WDR97: variants seen among roughly 807,000 people sequenced by gnomAD.
WDR97 encodes WD repeat-containing protein 97.
Under a neutral mutation model 65.4 loss-of-function variants are expected in WDR97, and 111 were observed. The observed-to-expected ratio is 1.70, with a 90% CI of 1.45 to 1.99. The LOEUF is 1.99. Ranked by LOEUF, WDR97 falls within the 30% of genes most tolerant of loss-of-function variation. The probability of loss-of-function intolerance (pLI) is 0.00; values close to 1 mark genes in which losing one functional copy is unlikely to be tolerated. For synonymous variants in WDR97, 802 were observed against 397.7 expected (o/e 2.02, Z -12.10); for missense variants, 1,674 against 865.0 (o/e 1.94, Z -11.73).
chr8:144,116,147 C>G lies in WDR97; in HGVS notation c.4723C>G (p.Leu1575Val). The change falls in exon 24 of 24, where the codon CTG becomes GTG. Residue 1575 changes from leucine to valine, a missense_variant. Transcript: ENST00000323662. ...CACCCTGGACGGCCCCATCCGGACG[C>G]TGAAGCTGCCGTTGCCGCGTGTGGA... ...GRTLDGPIRT[L>V]KLPLPRVEPQ... 1.4e-6 allele frequency: 1 copy of G among 700,326 alleles called. No individual in the cohort carries two copies. Among genetic ancestry groups the G allele is most frequent in the Non-Finnish European group, 2.6e-6 (1 of 383,706 alleles). The allele number at this position is 700,326 out of a possible 1,614,324, so 43.4% of individuals were successfully genotyped here.
At chr8:144,113,045 G>T in intron 15 of WDR97, 1 of 340,632 alleles carries the variant, frequency 2.9e-6, no homozygotes, top group South Asian at 4.3e-5. Flanking sequence ...TTTGGGCCTG[G>T]GTGCCACCAT....
chr8:144,112,662 G>A (rs1457645987), intron 15 of WDR97, 132 bp downstream of exon 15: 2 of 655,352 alleles, frequency 3.1e-6, no homozygotes, highest in Admixed American at 2.1e-5. Context: ...CAACCAGAGG[G>A]CCAGGCTGTA....
Position 144,109,340 on chromosome 8 carries a change from G to A in WDR97, c.1006G>A (p.Val336Met), listed in dbSNP as rs1836490106. 1.4e-6 allele frequency: 1 copy of A among 702,454 alleles called. No homozygotes were observed. Among genetic ancestry groups the A allele is most frequent in the Non-Finnish European group, 2.6e-6 (1 of 384,794 alleles). The allele number at this position is 702,454 out of a possible 1,614,324, so 43.5% of individuals were successfully genotyped here. The stretch of plus-strand genomic sequence containing the variant: ...GACCTGCACCCCTCCCACAGGCCCG[G>A]TGACGGCTATGACTGTGCTCCCGAA... ...RMVFVGHTGP[V>M]TAMTVLPNTT... Residue 336 changes from valine to methionine, a missense_variant, in exon 5 of 24, where the codon GTG becomes ATG. Transcript: ENST00000323662.
Position 144,109,405 on chromosome 8 carries a change from A to C in WDR97, c.1071A>C (p.Leu357=). The change falls in exon 5 of 24, where the codon CTA becomes CTC. Residue 357 remains leucine, a synonymous_variant. Transcript: ENST00000323662. ...TGTCGGCCTCGCAGGACGGGACGCT[A>C]CGCACCTGGGACCTGCAGGCGGCGG... The part of the protein sequence containing the change: ...LVLSASQDGT[L]RTWDLQAAAQ... 1.4e-6 allele frequency: 1 copy of C among 702,456 alleles called. No individual in the cohort carries two copies. Among genetic ancestry groups the C allele is most frequent in the South Asian group, 1.5e-5 (1 of 67,584 alleles). 43.5% of individuals were successfully genotyped at this position (702,456 alleles called of 1,614,324 possible). A position where few individuals can be genotyped will look rare whatever the true frequency, so the allele number is the denominator to read the frequency against.
At position 144,116,269 on chromosome 8, in the gene WDR97, C is replaced by T; in HGVS notation, c.4845C>T (p.Asp1615=). Residue 1615 remains aspartate (D), a synonymous_variant, in exon 24 of 24, where the codon GAC becomes GAT. Coordinates refer to ENST00000323662, the MANE Select transcript of WDR97 (RefSeq NM_001316309.2). ...TGCAGCGCTACTTTCTGCCAGCGGACGCGGACCCTGACACCTACAGCTGAC... is the reference window on the plus strand; with the variant it reads ...TGCAGCGCTACTTTCTGCCAGCGGATGCGGACCCTGACACCTACAGCTGAC... ...PALQRYFLPA[D]ADPDTYS 1 of 655,980 alleles carries T rather than the reference C, an allele frequency of 1.5e-6. No individual in the cohort carries two copies. The highest frequency in any genetic ancestry group is 2.8e-6 in the Non-Finnish European group (1 of 360,824). The allele number at this position is 655,980 out of a possible 1,614,324, so 40.6% of individuals were successfully genotyped here.
intron 2 of WDR97, 22 bp from the exon 3 acceptor site, chr8:144,108,294 G>GCCCGCCCACC: frequency 2.9e-6 from 2 of 691,364 alleles, no homozygotes; most frequent in Non-Finnish European, 5.2e-6. Flanking sequence ...TTGATTGCGG[G>GCCCGCCCACC]CCCGCCCACC....
In WDR97 at chr8:144,110,912, C is replaced by G; in HGVS notation, c.2220C>G (p.Asn740Lys). Residue 740 changes from asparagine to lysine, a missense_variant, in exon 9 of 24, where the codon AAC becomes AAG. Transcript: ENST00000323662. ...CTCAGGCCCTGGCTTTCTGCAGCAA[C>G]AGTGGAGACCTGGTGCTGGCGCTGG... ...GAPQALAFCS[N>K]SGDLVLALGS... 1.4e-6 allele frequency: 1 copy of G among 702,872 alleles called. No individual in the cohort carries two copies. The highest frequency in any genetic ancestry group is 2.7e-5 in the East Asian group (1 of 37,270). 43.5% of individuals were successfully genotyped at this position (702,872 alleles called of 1,614,324 possible). A position where few individuals can be genotyped will look rare whatever the true frequency, so the allele number is the denominator to read the frequency against.
rs1191404400 is a variant in WDR97 at position 144,108,321 on chromosome 8, G to A, written c.255G>A (p.Lys85=). Residue 85 remains lysine (K), a synonymous_variant, in exon 3 of 24, where the codon AAG becomes AAA. Coordinates refer to ENST00000323662, the MANE Select transcript of WDR97 (RefSeq NM_001316309.2). ...CCGCCCACCCCGGCCCACAGGAGAA[G>A]AGAGCCGAGCTGCGCGCGGCGCGCC... ...TSLHEVVEKE[K]RAELRAARLT... The A allele has an allele frequency of 2.9e-6, 2 of 693,284 alleles. No individual in the cohort carries two copies. Among genetic ancestry groups the A allele is most frequent in the South Asian group, 1.5e-5 (1 of 66,476 alleles). 42.9% of individuals were successfully genotyped at this position (693,284 alleles called of 1,614,324 possible).
chr8:144,116,065 C>T, intron 23 of WDR97, 26 bp from the exon 24 acceptor site: 1 of 555,292 alleles, frequency 1.8e-6, no homozygotes, highest in Non-Finnish European at 3.3e-6. Flanking sequence ...AGCCCCCGGG[C>T]CTCATAAGCC....
At position 144,115,868 on chromosome 8, in the gene WDR97, G is replaced by A. The variant is rs760548009; in HGVS notation, c.4595+10G>A. 1.9e-4 allele frequency: 134 copies of A among 695,174 alleles called. No homozygotes were observed. The African/African-American group carries it at 2.1e-3, about 11-fold the overall frequency. The allele number at this position is 695,174 out of a possible 1,614,324, so 43.1% of individuals were successfully genotyped here. ...CTCCGCGGGAGCACTGGTGCGCGGGGCCTGCGCCGGCGGGGCCTGCGTGGG... is the reference window on the plus strand; with the variant it reads ...CTCCGCGGGAGCACTGGTGCGCGGGACCTGCGCCGGCGGGGCCTGCGTGGG... On this transcript the variant is annotated intron_variant, in intron 22 of 23. Coordinates refer to ENST00000323662, the MANE Select transcript of WDR97 (RefSeq NM_001316309.2).
Position 144,108,371 on chromosome 8 carries a change from G to A in WDR97, c.305G>A (p.Arg102His). ...ARLTHGLEPLRRLEVAAGLRS... is the reference protein window; with the variant it reads ...ARLTHGLEPLHRLEVAAGLRS... Reference sequence around the variant, plus strand: ...CTGACGCATGGGCTGGAACCACTGCGCCGCCTGGAGGTGGCAGCCGGGCTG... The same window carrying A: ...CTGACGCATGGGCTGGAACCACTGCACCGCCTGGAGGTGGCAGCCGGGCTG... The change falls in exon 3 of 24, where the codon CGC becomes CAC. Residue 102 changes from arginine to histidine, a missense_variant. Transcript: ENST00000323662. 1.4e-6 allele frequency: 1 copy of A among 697,666 alleles called. No individual in the cohort carries two copies. The highest frequency in any genetic ancestry group is 2.6e-6 in the Non-Finnish European group (1 of 383,228). The allele number at this position is 697,666 out of a possible 1,614,324, so 43.2% of individuals were successfully genotyped here. A position where few individuals can be genotyped will look rare whatever the true frequency, so the allele number is the denominator to read the frequency against.
At chr8:144,111,543 C>CT in intron 11 of WDR97, 57 bp downstream of exon 11, 1 of 693,938 alleles carries the variant, frequency 1.4e-6, no homozygotes. Flanking sequence ...GCCGTCAGCC[C>CT]TGGGGCAGGC....
rs1228915431 is a variant in WDR97, at chr8:144,114,408, A to C, written c.3725A>C (p.Asp1242Ala). The C allele has an allele frequency of 1.0e-5, 7 of 702,648 alleles. No individual in the cohort carries two copies. Among genetic ancestry groups the C allele is most frequent in the Non-Finnish European group, 1.8e-5 (7 of 384,988 alleles). 43.5% of individuals were successfully genotyped at this position (702,648 alleles called of 1,614,324 possible). A position where few individuals can be genotyped will look rare whatever the true frequency, so the allele number is the denominator to read the frequency against. ...AGACTGCTGCCCAACATGAGCAGTG[A>C]TCTCCAAGGCCAGCTGCAGGGCCTG... ...LLRLLPNMSSDLQGQLQGLLV... is the reference protein window; with the variant it reads ...LLRLLPNMSSALQGQLQGLLV... The change falls in exon 19 of 24, where the codon GAT (aspartate) becomes GCT (alanine). Residue 1242 changes from aspartate (D) to alanine (A), a missense_variant. Asp to Ala is a moderately radical substitution (Grantham distance 126, BLOSUM62 -2). Transcript: ENST00000323662.
rs944279939 is a variant in WDR97, at chr8:144,109,667, C to A, written c.1333C>A (p.Arg445Ser). 2 of 668,268 alleles carry A rather than the reference C, an allele frequency of 3.0e-6. No homozygotes were observed. Among genetic ancestry groups the A allele is most frequent in the Admixed American group, 4.4e-5 (2 of 45,374 alleles). The allele number at this position is 668,268 out of a possible 1,614,324, so 41.4% of individuals were successfully genotyped here. Residue 445 changes from arginine (R) to serine (S), a missense_variant, in exon 5 of 24, where the codon CGC becomes AGC. By Grantham distance (110) the Arg-to-Ser change is moderately radical. Transcript: ENST00000323662. ...GCCTGCGCACCAGTCGCTGCCTACG[C>A]GCCTCGTGTGCGCGTGCGCCGACGG... ...PAPAHQSLPT[R>S]LVCACADGSV...
In WDR97 at chr8:144,109,603, C is replaced by T; in HGVS notation, c.1269C>T (p.Ala423=). 1 of 689,108 alleles carries T rather than the reference C, an allele frequency of 1.5e-6. No individual in the cohort carries two copies. Among genetic ancestry groups the T allele is most frequent in the Admixed American group, 2.0e-5 (1 of 48,840 alleles). 42.7% of individuals were successfully genotyped at this position (689,108 alleles called of 1,614,324 possible). The change falls in exon 5 of 24, where the codon GCC becomes GCT. Residue 423 remains alanine (A), a synonymous_variant. Coordinates refer to ENST00000323662, the MANE Select transcript of WDR97 (RefSeq NM_001316309.2). ...ELYSPLAQLP[A]KVLHVQVAPA... ...ACTCGCCGTTGGCGCAACTGCCCGC[C>T]AAGGTGCTCCACGTGCAGGTGGCGC... is the stretch of plus-strand genomic sequence containing the variant.
chr8:144,109,796 G>A lies in WDR97; in HGVS notation c.1462G>A (p.Ala488Thr). Residue 488 changes from alanine (A) to threonine (T), a missense_variant, in exon 5 of 24, where the codon GCG (alanine) becomes ACG (threonine). Physicochemically the swap from Ala to Thr is moderately conservative, Grantham distance 58 (BLOSUM62 0). Transcript: ENST00000323662. Reference protein sequence around the residue: ...AAVAYCLPREALWLLTRAGHL... With the variant: ...AAVAYCLPRETLWLLTRAGHL... ...CGTGGCCTACTGCCTGCCGCGCGAG[G>A]CGCTGTGGCTGCTGACCAGGGCTGG... 1.5e-6 allele frequency: 1 copy of A among 672,600 alleles called. No individual in the cohort carries two copies. 41.7% of individuals were successfully genotyped at this position (672,600 alleles called of 1,614,324 possible). A position where few individuals can be genotyped will look rare whatever the true frequency, so the allele number is the denominator to read the frequency against.
chr8:144,108,231 T>G (rs939913871), intron 2 of WDR97, 36 bp downstream of exon 2: 2 of 696,044 alleles, frequency 2.9e-6, no homozygotes, highest in African/African-American at 3.5e-5. Context: ...CTGGCCTCTT[T>G]CCGGATCTGG....
chr8:144,108,376 C>T lies in WDR97; in HGVS notation c.310C>T (p.Leu104=), dbSNP rs921028110. The T allele has an allele frequency of 1.3e-5, 9 of 697,728 alleles. No individual in the cohort carries two copies. Among genetic ancestry groups the T allele is most frequent in the Non-Finnish European group, 2.3e-5 (9 of 383,200 alleles). The allele number at this position is 697,728 out of a possible 1,614,324, so 43.2% of individuals were successfully genotyped here. A position where few individuals can be genotyped will look rare whatever the true frequency, so the allele number is the denominator to read the frequency against. The change falls in exon 3 of 24, where the codon CTG becomes TTG. Residue 104 remains leucine, a synonymous_variant. Coordinates refer to ENST00000323662, the MANE Select transcript of WDR97 (RefSeq NM_001316309.2). Reference sequence around the variant, plus strand: ...GCATGGGCTGGAACCACTGCGCCGCCTGGAGGTGGCAGCCGGGCTGCGCTC... The same window carrying T: ...GCATGGGCTGGAACCACTGCGCCGCTTGGAGGTGGCAGCCGGGCTGCGCTC... ...LTHGLEPLRR[L]EVAAGLRSVA...
Position 144,108,411 on chromosome 8 carries a change from G to A in WDR97, c.345G>A (p.Gln115=), listed in dbSNP as rs1237631809. 4.3e-6 allele frequency: 3 copies of A among 699,222 alleles called. No individual in the cohort carries two copies. In the South Asian group the frequency reaches 4.4e-5, roughly 10 times the overall value. 43.3% of individuals were successfully genotyped at this position (699,222 alleles called of 1,614,324 possible). ...CAGCCGGGCTGCGCTCGGTGGCGCA[G>A]GACCCGGTGGGTGGACGCTTCGTGG... ...EVAAGLRSVA[Q]DPVGGRFVVL... is the part of the protein sequence containing the mutation. Residue 115 remains glutamine (Q), a synonymous_variant, in exon 3 of 24, where the codon CAG becomes CAA. Transcript: ENST00000323662.
Sources: allele counts gnomAD v4.1 joint callset, GRCh38; gene constraint gnomAD v4.1.1; transcripts MANE v1.5; gene names NCBI Gene and HGNC (gene_info 2026-07-23, HGNC 2026-07-21).